Variants in SYT1 observed in about 807,000 individuals in gnomAD.
SYT1 encodes synaptotagmin 1, also known as synaptotagmin-1.
A neutral mutation model predicts 44.8 loss-of-function variants in SYT1; 8 were observed. That is an observed-to-expected ratio of 0.18 (90% CI 0.10 to 0.32). The LOEUF is 0.32. Among genes scored for constraint, SYT1 ranks in the 10% least tolerant of loss-of-function variants. The pLI, the probability that SYT1 is intolerant of heterozygous loss-of-function variation, is 1.00. For missense variants in SYT1, 286 were observed against 509.3 expected (o/e 0.56, Z 4.22); for synonymous variants, 154 against 188.8 (o/e 0.82, Z 1.51).
At chr12:79,163,954 A>G (rs1488088599) in intron 3 of SYT1, among the ~76,000 whole-genome samples, 1 of 152,094 alleles carries the variant, frequency 6.6e-6, no homozygotes, top group African/African-American at 2.4e-5. Context: ...TTGGTAGGAT[A>G]TTGAATGAGA....
chr12:78,976,778 A>G (rs986477346), intron 1 of SYT1: 1 of 152,168 alleles, frequency 6.6e-6, no homozygotes, highest in African/African-American at 2.4e-5. Flanking sequence ...CAAATTTTAT[A>G]AACTAGTGGT....
At chr12:79,264,658 A>C (rs1878025902) in intron 4 of SYT1, among the ~76,000 whole-genome samples, 1 of 152,234 alleles carries the variant, frequency 6.6e-6, no homozygotes, top group East Asian at 1.9e-4. Flanking sequence ...TGCTCTGCTG[A>C]AACATTTACC....
intron 3 of SYT1, among the ~76,000 whole-genome samples, chr12:79,064,926 G>GACAAAGAAAGAAAGAAAGAAAGAA (rs549891799): frequency 7.2e-5 from 8 of 111,454 alleles, no homozygotes; most frequent in Non-Finnish European, 1.3e-4. Context: ...AAAAAATAGA[G>GACAAAGAAAGAAAGAAAGAAAGAA]AGAAAGAAAG....
chr12:79,109,515 C>G (rs1005538566), intron 3 of SYT1, among the ~76,000 whole-genome samples: 2 of 152,058 alleles, frequency 1.3e-5, no homozygotes, highest in Non-Finnish European at 2.9e-5. Flanking sequence ...TTACTTGAGC[C>G]AAAAGGTTCT....
chr12:79,156,442 CTGTTGTTGTTGT>C (rs34284800), intron 3 of SYT1, among the ~76,000 whole-genome samples: 3 of 141,900 alleles, frequency 2.1e-5, no homozygotes, highest in Non-Finnish European at 3.2e-5. Flanking sequence ...GTTGTTGCTG[CTGTTGTTGTTGT>C]TGTTGTTGTT....
chr12:79,048,907 AC>A (rs1874267179), intron 3 of SYT1, among the ~76,000 whole-genome samples: 1 of 151,940 alleles, frequency 6.6e-6, no homozygotes, highest in South Asian at 2.1e-4. Flanking sequence ...GCCAAAACAA[AC>A]CTTTTTCAAC....
rs529156305 is a variant in SYT1, at chr12:79,328,346, C to T, written c.811-25156C>T. 4.6e-5 allele frequency among the ~76,000 whole-genome samples: 7 copies of T among 152,208 alleles called. 1 individual carries two copies. In the East Asian group the frequency reaches 7.7e-4, roughly 17 times the overall value. The stretch of plus-strand genomic sequence containing the variant: ...AAGATGCACTAATTTTAAGGGAAAA[C>T]ATTAAGTTCTGTTTTGGACATGTTC... On this transcript the variant is annotated intron_variant, in intron 8 of 10. Transcript: ENST00000261205.
At chr12:79,261,024 T>C (rs1267006273) in intron 4 of SYT1, among the ~76,000 whole-genome samples, 1 of 152,150 alleles carries the variant, frequency 6.6e-6, no homozygotes, top group African/African-American at 2.4e-5. Flanking sequence ...GGAACTTCAG[T>C]GGTCTCACAT....
chr12:78,869,811 C>A (rs1405120198), intron 1 of SYT1, among the ~76,000 whole-genome samples: 2 of 151,960 alleles, frequency 1.3e-5, no homozygotes, highest in Admixed American at 6.6e-5. Flanking sequence ...TTGCTGATTT[C>A]CATACTTTAC....
chr12:79,404,724 A>C (rs1256200821), intron 9 of SYT1, among the ~76,000 whole-genome samples: 1 of 152,210 alleles, frequency 6.6e-6, no homozygotes, highest in Non-Finnish European at 1.5e-5. Context: ...GAGAGCTAAC[A>C]CTCATAATTA....
chr12:79,387,293 C>T (rs191700643), intron 9 of SYT1, among the ~76,000 whole-genome samples: 1 of 152,232 alleles, frequency 6.6e-6, no homozygotes, highest in East Asian at 1.9e-4. Context: ...AGAAAAGAGA[C>T]TAGAAATGTA....
chr12:78,979,106 T>C (rs1256988307), intron 2 of SYT1, among the ~76,000 whole-genome samples: 1 of 152,162 alleles, frequency 6.6e-6, no homozygotes, highest in Non-Finnish European at 1.5e-5. Flanking sequence ...GATTTCTTTT[T>C]AAACAAAGTG....
At chr12:79,157,253 GCAC>G (rs1392800521) in intron 3 of SYT1, among the ~76,000 whole-genome samples, 2 of 152,250 alleles carry the variant, frequency 1.3e-5, no homozygotes, top group East Asian at 3.9e-4. Context: ...ACCTTTAAAA[GCAC>G]CACATCCTAT....
chr12:78,876,795 A>ATTATATGTATTATATATAAT (rs1555177056), intron 1 of SYT1, among the ~76,000 whole-genome samples: 7 of 27,160 alleles, frequency 2.6e-4, no homozygotes, highest in Non-Finnish European at 4.4e-4. Flanking sequence ...TAATACATAT[A>ATTATATGTATTATATATAAT]ATATATTATA....
At chr12:79,247,603 T>G (rs1188156031) in intron 4 of SYT1, among the ~76,000 whole-genome samples, 1 of 152,182 alleles carries the variant, frequency 6.6e-6, no homozygotes, top group African/African-American at 2.4e-5. Context: ...CATGGTAGAT[T>G]GTTTAGCAAC....
chr12:78,870,125 G>T (rs1873743260), intron 1 of SYT1, among the ~76,000 whole-genome samples: 1 of 152,030 alleles, frequency 6.6e-6, no homozygotes, highest in Non-Finnish European at 1.5e-5. Flanking sequence ...AAACTACTTG[G>T]TTAAGATATA....
At chr12:78,889,280 C>A (rs1463615464) in intron 1 of SYT1, among the ~76,000 whole-genome samples, 1 of 151,872 alleles carries the variant, frequency 6.6e-6, no homozygotes, top group African/African-American at 2.4e-5. Context: ...ATGCATTTTT[C>A]TGGGGAATGA....
At chr12:78,988,484 A>G (rs1869806591) in intron 2 of SYT1, among the ~76,000 whole-genome samples, 1 of 150,916 alleles carries the variant, frequency 6.6e-6, no homozygotes, top group East Asian at 1.9e-4. Context: ...ACAAGAACTT[A>G]ACATGTACAT....
At chr12:79,265,940 T>C (rs1409965611) in intron 4 of SYT1, among the ~76,000 whole-genome samples, 1 of 152,204 alleles carries the variant, frequency 6.6e-6, no homozygotes, top group East Asian at 1.9e-4. Context: ...ATTGAGTCTT[T>C]CTGTCATTTC....
Sources: gnomAD v4.1 joint callset for allele counts (sites outside exome capture counted in the v4.1 genomes callset) on GRCh38, gnomAD v4.1.1 for gene constraint, MANE v1.5 for transcripts, NCBI Gene and HGNC (gene_info 2026-07-23, HGNC 2026-07-21) for gene names.